PCDHGB4: variants seen among roughly 807,000 people sequenced by gnomAD.
The protein encoded by PCDHGB4 is protocadherin gamma-B4.
In PCDHGB4, 38 loss-of-function variants were observed where a neutral mutation model predicts 60.5. The observed-to-expected ratio is 0.63, with a 90% CI of 0.48 to 0.82. PCDHGB4 has a LOEUF of 0.82. Among genes scored for constraint, PCDHGB4 ranks in the 40% least tolerant of loss-of-function variants. PCDHGB4 has a pLI of 0.00. For synonymous variants in PCDHGB4, 456 were observed against 509.7 expected, an observed-to-expected ratio of 0.89 and a Z score of 1.42; for missense variants, 1,109 against 1,209.6, an observed-to-expected ratio of 0.92 and a Z score of 1.23.
rs1562106021 is a variant in PCDHGB4 at position 141,485,561 on chromosome 5, G to T, written c.2398-9246G>T. 6.2e-7 allele frequency: 1 copy of T among 1,613,008 alleles called. No individual in the cohort carries two copies. Among genetic ancestry groups the T allele is most frequent in the Non-Finnish European group, 8.5e-7 (1 of 1,179,122 alleles). ...AGAGATCGTAGATGTGAATGATCAC[G>T]CCCCCCGTTTTCCGCGGCAGCAGCT... On this transcript the variant is annotated intron_variant, in intron 1 of 3. Coordinates refer to ENST00000519479, the MANE Select transcript of PCDHGB4 (RefSeq NM_003736.4). The surrounding 1 kb of genome is among the most constrained non-coding windows in gnomAD (Gnocchi z 5.7).
chr5:141,481,871 G>T (rs372191396), intron 1 of PCDHGB4, among the ~76,000 whole-genome samples: 1 of 144,788 alleles, frequency 6.9e-6, no homozygotes, highest in Non-Finnish European at 1.5e-5. Context: ...CCGAGATCGC[G>T]CCACTGCACT....
At chr5:141,443,447 C>T (rs1267862519) in intron 1 of PCDHGB4, among the ~76,000 whole-genome samples, 1 of 152,184 alleles carries the variant, frequency 6.6e-6, no homozygotes, top group African/African-American at 2.4e-5. Flanking sequence ...GGTTGCGCTC[C>T]TGTACTCCAG....
intron 1 of PCDHGB4, chr5:141,394,162 C>T: frequency 6.2e-7 from 1 of 1,613,904 alleles, no homozygotes; most frequent in Non-Finnish European, 8.5e-7. Context: ...GACAACCCTC[C>T]TACTTTCCCT....
chr5:141,439,066 G>A (rs1004595196), intron 1 of PCDHGB4, among the ~76,000 whole-genome samples: 2 of 151,258 alleles, frequency 1.3e-5, no homozygotes, highest in African/African-American at 2.4e-5. Context: ...TGTGGCAGGC[G>A]CCTGTAATCC....
At chr5:141,449,349 G>A (rs191322076) in intron 1 of PCDHGB4, among the ~76,000 whole-genome samples, 2 of 151,956 alleles carry the variant, frequency 1.3e-5, no homozygotes, top group African/African-American at 4.8e-5. Flanking sequence ...GCTCACTCCT[G>A]TAATCCCAGC....
intron 1 of PCDHGB4, chr5:141,419,815 A>T: frequency 6.2e-7 from 1 of 1,613,988 alleles, no homozygotes. Context: ...GAGGACAGCC[A>T]CCCCTTTCAG....
At chr5:141,450,033 G>T (rs1377962229) in intron 1 of PCDHGB4, among the ~76,000 whole-genome samples, 2 of 131,450 alleles carry the variant, frequency 1.5e-5, no homozygotes, top group Admixed American at 8.4e-5. Flanking sequence ...TTGAGACAGG[G>T]TCTCACTCTT....
intron 1 of PCDHGB4, among the ~76,000 whole-genome samples, chr5:141,429,812 A>G (rs2097246172): frequency 6.6e-6 from 1 of 152,226 alleles, no homozygotes; most frequent in South Asian, 2.1e-4. Context: ...AGTAATTACA[A>G]TTAGGTCAGT....
chr5:141,394,724 G>C (rs2093074353), intron 1 of PCDHGB4: 2 of 1,613,380 alleles, frequency 1.2e-6, no homozygotes, highest in Non-Finnish European at 1.7e-6. Context: ...ACAGAGATGC[G>C]CTCAAGCAGA....
chr5:141,476,783 G>C lies in PCDHGB4; in HGVS notation c.2398-18024G>C. ...GACGGCGTTGGACGGAGGGACCCCAGCTCTCTCCGCCAGCCTGCCTATTCA... is the reference window on the plus strand; with the variant it reads ...GACGGCGTTGGACGGAGGGACCCCACCTCTCTCCGCCAGCCTGCCTATTCA... On this transcript the variant is annotated intron_variant, in intron 1 of 3. Coordinates refer to ENST00000519479, the MANE Select transcript of PCDHGB4 (RefSeq NM_003736.4). This position sits in a 1 kb window ranked among gnomAD's most constrained non-coding sequence, Gnocchi z 7.6. The C allele has an allele frequency of 6.2e-7, 1 of 1,613,510 alleles. No homozygotes were observed. The highest frequency in any genetic ancestry group is 8.5e-7 in the Non-Finnish European group (1 of 1,180,030).
chr5:141,410,544 G>T, intron 1 of PCDHGB4: 1 of 1,613,640 alleles, frequency 6.2e-7, no homozygotes, highest in Non-Finnish European at 8.5e-7. Flanking sequence ...GACATGGTTT[G>T]CAGTGTTTCT....
chr5:141,425,794 G>A (rs915736198), intron 1 of PCDHGB4, among the ~76,000 whole-genome samples: 23 of 152,074 alleles, frequency 1.5e-4, no homozygotes, highest in Non-Finnish European at 2.2e-4. Context: ...CTTCCAATAT[G>A]TGCATTGCTT....
chr5:141,414,657 C>T (rs1313928067), intron 1 of PCDHGB4: 1 of 1,614,004 alleles, frequency 6.2e-7, no homozygotes, highest in Admixed American at 1.7e-5. Context: ...TTATTTACTC[C>T]CTGGCTGAAG....
chr5:141,497,832 G>C (rs1326640712), intron 2 of PCDHGB4, among the ~76,000 whole-genome samples: 1 of 151,992 alleles, frequency 6.6e-6, no homozygotes, highest in East Asian at 1.9e-4. Context: ...GATCGCCCCC[G>C]GCCACAACAA....
intron 1 of PCDHGB4, chr5:141,416,537 G>T (rs2096038948): frequency 6.6e-6 from 1 of 152,082 alleles, no homozygotes; most frequent in Admixed American, 6.6e-5. Context: ...AATGTATAAG[G>T]AGGCAAACAC....
rs1373988780 is a variant in PCDHGB4, at chr5:141,404,040, G to A, written c.2397+13759G>A. 1.9e-5 allele frequency: 30 copies of A among 1,613,694 alleles called. No homozygotes were observed. The highest frequency in any genetic ancestry group is 2.3e-5 in the Non-Finnish European group (27 of 1,179,836). On this transcript the variant is annotated intron_variant, in intron 1 of 3. Transcript: ENST00000519479. Reference sequence around the variant, plus strand: ...CCAGTGAGAGAAGACGCACCTCAGGGAACAGTAATTCTTCTTTTCAATGCT... The same window carrying A: ...CCAGTGAGAGAAGACGCACCTCAGGAAACAGTAATTCTTCTTTTCAATGCT...
Position 141,431,915 on chromosome 5 carries a change from A to G in PCDHGB4, c.2397+41634A>G. 1 of 1,614,040 alleles carries G rather than the reference A, an allele frequency of 6.2e-7. No homozygotes were observed. The highest frequency in any genetic ancestry group is 8.5e-7 in the Non-Finnish European group (1 of 1,179,854). On this transcript the variant is annotated intron_variant, in intron 1 of 3. Coordinates refer to ENST00000519479, the MANE Select transcript of PCDHGB4 (RefSeq NM_003736.4). The surrounding 1 kb of genome is among the most constrained non-coding windows in gnomAD (Gnocchi z 4.8). ...GGAAAACGGACAGGTGATCTGTTTC[A>G]TCCAAGGAAATCTGCCCTTTAAATT...
chr5:141,427,921 G>A (rs2097089596), intron 1 of PCDHGB4: 3 of 1,580,128 alleles, frequency 1.9e-6, no homozygotes, highest in African/African-American at 1.3e-5. Flanking sequence ...AACATGAGCC[G>A]GCGCATGTTG....
chr5:141,413,012 A>G (rs937468289), intron 1 of PCDHGB4: 10 of 657,718 alleles, frequency 1.5e-5, no homozygotes, highest in Middle Eastern at 4.2e-4. Flanking sequence ...GGCTTCAACT[A>G]CACAAGCCCC....
Sources: gnomAD v4.1 joint callset for allele counts (sites outside exome capture counted in the v4.1 genomes callset) on GRCh38, gnomAD v4.1.1 for gene constraint, Gnocchi (gnomAD v3.1) non-coding constraint, MANE v1.5 for transcripts, NCBI Gene and HGNC (gene_info 2026-07-23, HGNC 2026-07-21) for gene names.